The following RPS8 variants were observed in gnomAD, a reference collection of about 807,000 sequenced individuals.
RPS8 encodes the protein ribosomal protein S8, also known as small ribosomal subunit protein eS8.
For synonymous variants in RPS8, 100 were observed against 100.7 expected, an observed-to-expected ratio of 0.99 and a Z score of 0.04; for missense variants, 141 against 269.7, an observed-to-expected ratio of 0.52 and a Z score of 3.34.
intron 4 of RPS8, 72 bp downstream of exon 4, chr1:44,777,861 G>A: frequency 6.3e-7 from 1 of 1,581,122 alleles, no homozygotes; most frequent in East Asian, 2.2e-5. Context: ...TGAAAACTCT[G>A]TCCAGTTCTG....
At chr1:44,778,337 C>G (rs1020619503) in intron 5 of RPS8, 2 of 824,316 alleles carry the variant, frequency 2.4e-6, no homozygotes, top group East Asian at 2.4e-5. Context: ...TGCATAGGCC[C>G]GTGCTTGGAG....
chr1:44,777,251 A>G, intron 3 of RPS8: 1 of 226,004 alleles, frequency 4.4e-6, no homozygotes, highest in Non-Finnish European at 8.8e-6. Flanking sequence ...CTGTATTTTT[A>G]GTAGAGACGG....
chr1:44,777,420 G>T, intron 3 of RPS8, 194 bp from the exon 4 acceptor site: 1 of 592,760 alleles, frequency 1.7e-6, no homozygotes. Flanking sequence ...GGCTGGTAAA[G>T]ACTGCGGGTT....
At chr1:44,776,877 G>A (rs1650873977) in intron 3 of RPS8, 103 bp downstream of exon 3, 4 of 796,104 alleles carry the variant, frequency 5.0e-6, no homozygotes, top group African/African-American at 1.8e-5. Context: ...AGCCCAGCAC[G>A]TTGGGAGGCC....
At chr1:44,775,947 G>C (rs1056012403) in intron 1 of RPS8, 87 bp from the exon 2 acceptor site, 1 of 1,269,228 alleles carries the variant, frequency 7.9e-7, no homozygotes, top group Non-Finnish European at 1.2e-6. Context: ...GCGTGCGACC[G>C]GCCCGGCGCG....
Position 44,778,747 on chromosome 1 carries a change from T to C in RPS8, c.*62T>C. 1 of 1,153,856 alleles carries C rather than the reference T, an allele frequency of 8.7e-7. No individual in the cohort carries two copies. The highest frequency in any genetic ancestry group is 1.3e-6 in the Non-Finnish European group (1 of 799,124). 71.5% of individuals were successfully genotyped at this position (1,153,856 alleles called of 1,614,324 possible). ...TTATTGTTTTGTTCCCACATTTATGTTGCCTGAATATATGACTGTTTTCTC... is the reference window on the plus strand; with the variant it reads ...TTATTGTTTTGTTCCCACATTTATGCTGCCTGAATATATGACTGTTTTCTC... On this transcript the variant is annotated 3_prime_UTR_variant, in exon 6 of 6. Transcript: ENST00000396651.
Position 44,776,893 on chromosome 1 carries a change from G to C in RPS8, c.211+119G>C. On this transcript the variant is annotated intron_variant, in intron 3 of 5. Transcript: ENST00000396651. ...GCCCAGCACGTTGGGAGGCCGAGGCGGGCGGATCACCTGAGGTCAGGAGTT... is the reference window on the plus strand; with the variant it reads ...GCCCAGCACGTTGGGAGGCCGAGGCCGGCGGATCACCTGAGGTCAGGAGTT... 3 of 656,128 alleles carry C rather than the reference G, an allele frequency of 4.6e-6. No individual in the cohort carries two copies. The East Asian group carries it at 8.8e-5, about 19-fold the overall frequency. The allele number at this position is 656,128 out of a possible 1,614,324, so 40.6% of individuals were successfully genotyped here.
chr1:44,776,688 G>A lies in RPS8; in HGVS notation c.125G>A (p.Arg42His). The change falls in exon 3 of 6, where the codon CGC becomes CAC. Residue 42 changes from arginine (R) to histidine (H), a missense_variant. Transcript: ENST00000396651. ...PAANTKIGPRRIHTVRVRGGN... is the reference protein window; with the variant it reads ...PAANTKIGPRHIHTVRVRGGN... Reference sequence around the variant, plus strand: ...TGTGTTTTCCAGATTGGCCCCCGCCGCATCCACACAGTCCGTGTGCGGGGA... The same window carrying A: ...TGTGTTTTCCAGATTGGCCCCCGCCACATCCACACAGTCCGTGTGCGGGGA... The A allele has an allele frequency of 1.2e-6, 2 of 1,613,752 alleles. No individual in the cohort carries two copies. The highest frequency in any genetic ancestry group is 1.7e-6 in the Non-Finnish European group (2 of 1,179,836).
intron 5 of RPS8, 61 bp downstream of exon 5, chr1:44,778,190 T>A: frequency 6.3e-7 from 1 of 1,584,008 alleles, no homozygotes; most frequent in Non-Finnish European, 8.6e-7. Context: ...CGAGGCACTT[T>A]TCCCTTGTCT....
chr1:44,777,358 A>G, intron 3 of RPS8: 1 of 448,552 alleles, frequency 2.2e-6, no homozygotes, highest in Non-Finnish European at 4.1e-6. Context: ...GGCGTGAGTC[A>G]CCGTGCCCGA....
At chr1:44,776,843 C>G (rs963073069) in intron 3 of RPS8, 69 bp downstream of exon 3, 23 of 1,242,132 alleles carry the variant, frequency 1.9e-5, no homozygotes, top group Middle Eastern at 1.9e-4. Context: ...CCAAGTGGGC[C>G]TGGCGCGGTG....
chr1:44,777,584 T>C (rs765925871), intron 3 of RPS8, 30 bp from the exon 4 acceptor site: 5 of 1,597,708 alleles, frequency 3.1e-6, no homozygotes, highest in Non-Finnish European at 4.3e-6. Context: ...TCCTCCAGTT[T>C]ACTTGATGCC....
chr1:44,776,638 C>T (rs1021784685), intron 2 of RPS8, 37 bp from the exon 3 acceptor site: 3 of 1,585,160 alleles, frequency 1.9e-6, no homozygotes, highest in Admixed American at 1.7e-5. Flanking sequence ...CCTTGCTCTC[C>T]TTGGTAACCT....
At chr1:44,777,342 G>A in intron 3 of RPS8, 1 of 406,002 alleles carries the variant, frequency 2.5e-6, no homozygotes, top group Non-Finnish European at 4.5e-6. Context: ...AAGTGCTGGG[G>A]TTACGGGCGT....
intron 3 of RPS8, 72 bp downstream of exon 3, chr1:44,776,846 G>A: frequency 8.3e-7 from 1 of 1,200,340 alleles, no homozygotes; most frequent in Non-Finnish European, 1.2e-6. Context: ...AGTGGGCCTG[G>A]CGCGGTGGCT....
chr1:44,777,418 A>G, intron 3 of RPS8, 196 bp from the exon 4 acceptor site: 1 of 589,296 alleles, frequency 1.7e-6, no homozygotes, highest in Non-Finnish European at 3.1e-6. Context: ...GGGGCTGGTA[A>G]AGACTGCGGG....
intron 3 of RPS8, chr1:44,776,988 T>C (rs1012553387): frequency 3.3e-5 from 16 of 491,668 alleles, no homozygotes; most frequent in Non-Finnish European, 1.8e-5. Flanking sequence ...TAGCAAGTAG[T>C]CTGTGGCTTA....
At position 44,778,729 on chromosome 1, in the gene RPS8, T is replaced by G; in HGVS notation, c.*44T>G. 7.5e-7 allele frequency: 1 copy of G among 1,324,634 alleles called. No homozygotes were observed. The highest frequency in any genetic ancestry group is 1.3e-5 in the South Asian group (1 of 77,674). The allele number at this position is 1,324,634 out of a possible 1,614,324, so 82.1% of individuals were successfully genotyped here. ...CCCATGTAATAAAGGTGTTTATTGT[T>G]TTGTTCCCACATTTATGTTGCCTGA... On this transcript the variant is annotated 3_prime_UTR_variant, in exon 6 of 6. Coordinates refer to ENST00000396651, the MANE Select transcript of RPS8 (RefSeq NM_001012.2).
Position 44,778,288 on chromosome 1 carries a change from C to T in RPS8, c.517+159C>T, listed in dbSNP as rs865980841. On this transcript the variant is annotated intron_variant, in intron 5 of 5. Coordinates refer to ENST00000396651, the MANE Select transcript of RPS8 (RefSeq NM_001012.2). ...AAGGGGAACGTTTGGTCACCCTATTCGTATGAAGCTGAAATGGGAAGCATT... is the reference window on the plus strand; with the variant it reads ...AAGGGGAACGTTTGGTCACCCTATTTGTATGAAGCTGAAATGGGAAGCATT... 41 of 948,158 alleles carry T rather than the reference C, an allele frequency of 4.3e-5. No homozygotes were observed. The Middle Eastern group carries it at 1.0e-3, about 24-fold the overall frequency. 58.7% of individuals were successfully genotyped at this position (948,158 alleles called of 1,614,324 possible).
Sources: gnomAD v4.1 joint callset for allele counts on GRCh38, gnomAD v4.1.1 for gene constraint, MANE v1.5 for transcripts, NCBI Gene and HGNC (gene_info 2026-07-23, HGNC 2026-07-21) for gene names.